ASAP1: variants seen among roughly 807,000 people sequenced by gnomAD.
ASAP1 encodes arf-GAP with SH3 domain, ANK repeat and PH domain-containing protein 1.
In ASAP1, 43 loss-of-function variants were observed where a neutral mutation model predicts 145.2. The observed-to-expected ratio is 0.30, with a 90% CI of 0.23 to 0.38. ASAP1 has a LOEUF of 0.38. ASAP1 is among the 10% of genes least tolerant of loss of function. The probability of loss-of-function intolerance (pLI) is 1.00; values close to 1 mark genes in which losing one functional copy is unlikely to be tolerated. For synonymous variants in ASAP1, 546 were observed against 515.5 expected (o/e 1.06, Z -0.80); for missense variants, 1,018 against 1,355.3 (o/e 0.75, Z 3.91).
chr8:130,385,060 A>G (rs898471568), intron 2 of ASAP1, among the ~76,000 whole-genome samples: 12 of 152,202 alleles, frequency 7.9e-5, no homozygotes, highest in African/African-American at 2.9e-4. Context: ...ACAAGGAGCT[A>G]CAAGAGGGGA....
chr8:130,058,057 C>A lies in ASAP1; in HGVS notation c.3212G>T (p.Arg1071Leu). 6.2e-7 allele frequency: 1 copy of A among 1,613,778 alleles called. No individual in the cohort carries two copies. Among genetic ancestry groups the A allele is most frequent in the Non-Finnish European group, 8.5e-7 (1 of 1,179,660 alleles). Residue 1071 changes from arginine (R) to leucine (L), a missense_variant, in exon 29 of 30, where the codon CGA becomes CTA. Arg to Leu is a moderately radical substitution (Grantham distance 102). This residue lies in a region of ASAP1 where 62 missense variants were observed against 97.8 expected (regional missense o/e 0.63). Transcript: ENST00000518721. ...KINTGKNKVR[R>L]VKTIYDCQAD... ...CTGGCAGTCATAAATGGTCTTCACT[C>A]GCCTCACTTTATTTTTCCCCTTAAA...
intron 3 of ASAP1, among the ~76,000 whole-genome samples, chr8:130,323,030 C>A (rs903603858): frequency 2.6e-5 from 4 of 152,188 alleles, no homozygotes; most frequent in African/African-American, 9.7e-5. Context: ...ATAGGCAATG[C>A]AATGAAATTA....
At chr8:130,116,071 C>T (rs2097555373) in intron 22 of ASAP1, among the ~76,000 whole-genome samples, 1 of 152,208 alleles carries the variant, frequency 6.6e-6, no homozygotes, top group Non-Finnish European at 1.5e-5. Flanking sequence ...GGTCCCAGTC[C>T]AATCTGTGGC....
intron 2 of ASAP1, among the ~76,000 whole-genome samples, chr8:130,395,268 G>A (rs570013031): frequency 5.3e-5 from 8 of 152,200 alleles, no homozygotes; most frequent in South Asian, 2.1e-4. Context: ...TACTGTGGGC[G>A]CTTTCTAATA....
intron 3 of ASAP1, among the ~76,000 whole-genome samples, chr8:130,276,529 C>G (rs1315754713): frequency 6.6e-6 from 1 of 152,130 alleles, no homozygotes; most frequent in African/African-American, 2.4e-5. Context: ...GACAAAAAAG[C>G]TGGCATTTGT....
At chr8:130,224,544 T>C (rs1022878578) in intron 4 of ASAP1, among the ~76,000 whole-genome samples, 2 of 152,142 alleles carry the variant, frequency 1.3e-5, no homozygotes, top group South Asian at 2.1e-4. Flanking sequence ...AAAAAAGATA[T>C]ACACACACAT....
In ASAP1 at chr8:130,167,581, T is replaced by G; in HGVS notation, c.864A>C (p.Ala288=). ...TQDEEKKQLT[A]LRDLIKSSLQ... The stretch of plus-strand genomic sequence containing the variant: ...GAGAGGATTTTATTAAGTCTCGGAG[T>G]GCAGTTAGCTGTTTCTTTTCTTCAT... Residue 288 remains alanine (A), a synonymous_variant, in exon 11 of 30, where the codon GCA becomes GCC. Transcript: ENST00000518721. 6.2e-7 allele frequency: 1 copy of G among 1,613,618 alleles called. No homozygotes were observed. The highest frequency in any genetic ancestry group is 8.5e-7 in the Non-Finnish European group (1 of 1,179,564).
intron 14 of ASAP1, among the ~76,000 whole-genome samples, 192 bp downstream of exon 14, chr8:130,136,759 C>T (rs1248051020): frequency 6.6e-6 from 1 of 152,208 alleles, no homozygotes; most frequent in Non-Finnish European, 1.5e-5. Context: ...ACTGCTATGC[C>T]TTGTCAACTG....
At chr8:130,205,489 G>T (rs796425557) in intron 5 of ASAP1, among the ~76,000 whole-genome samples, 3 of 148,780 alleles carry the variant, frequency 2.0e-5, no homozygotes, top group African/African-American at 7.4e-5. Flanking sequence ...TACCTGTATT[G>T]ACAAACAGAA....
intron 24 of ASAP1, among the ~76,000 whole-genome samples, chr8:130,097,126 CAAAAAAA>C (rs61591724): frequency 3.0e-4 from 16 of 53,578 alleles, no homozygotes; most frequent in South Asian, 9.3e-4. Context: ...AGTTAGTCTC[CAAAAAAA>C]AAAAAAAAAA....
At position 130,401,886 on chromosome 8, in the gene ASAP1, G is replaced by A. The variant is rs1272837459; in HGVS notation, c.58C>T (p.Arg20Trp). 8.1e-6 allele frequency: 13 copies of A among 1,613,354 alleles called. No individual in the cohort carries two copies. Among genetic ancestry groups the A allele is most frequent in the Middle Eastern group, 1.6e-4 (1 of 6,062 alleles). ...CAGGATGGGCTAGAGATCACTCACCGATTCCATAGTGAATCTCTCGACGAA... is the reference window on the plus strand; with the variant it reads ...CAGGATGGGCTAGAGATCACTCACCAATTCCATAGTGAATCTCTCGACGAA... ...SFSSRDSLWN[R>W]MPDQISVSEF... is the part of the protein sequence containing the mutation. Residue 20 changes from arginine to tryptophan, a missense_variant and splice_region_variant, in exon 2 of 30, where the codon CGG (arginine) becomes TGG (tryptophan). By Grantham distance (101) the Arg-to-Trp change is moderately radical. Around this residue, in one of 9 missense-constraint regions of ASAP1, gnomAD observed 106 missense variants for 134.5 expected, o/e 0.79. Transcript: ENST00000518721.
chr8:130,116,207 A>C (rs1039425179), intron 22 of ASAP1, among the ~76,000 whole-genome samples: 1 of 152,238 alleles, frequency 6.6e-6, no homozygotes, highest in Non-Finnish European at 1.5e-5. Flanking sequence ...AATCACACTA[A>C]TGTGAAGGCC....
At chr8:130,078,951 T>C (rs537521946) in intron 26 of ASAP1, among the ~76,000 whole-genome samples, 95 of 152,266 alleles carry the variant, frequency 6.2e-4, no homozygotes, top group Admixed American at 1.5e-3. Flanking sequence ...CCTAGCACTT[T>C]GGGAGGCTGA....
intron 3 of ASAP1, among the ~76,000 whole-genome samples, chr8:130,351,461 A>C (rs751808723): frequency 3.3e-5 from 5 of 152,218 alleles, no homozygotes; most frequent in Non-Finnish European, 7.3e-5. Context: ...TGTGTTAGGC[A>C]GTTCTTGTGT....
intron 3 of ASAP1, among the ~76,000 whole-genome samples, chr8:130,281,153 T>G (rs1352595948): frequency 6.6e-6 from 1 of 152,210 alleles, no homozygotes; most frequent in Non-Finnish European, 1.5e-5. Context: ...TTATTTCATC[T>G]AGATAAACTC....
chr8:130,068,476 T>G (rs2097434882), intron 27 of ASAP1, among the ~76,000 whole-genome samples: 1 of 152,236 alleles, frequency 6.6e-6, no homozygotes, highest in Non-Finnish European at 1.5e-5. Context: ...TAGATCAGTA[T>G]CATCAGCTTC....
At chr8:130,168,622 A>C (rs1000904330) in intron 10 of ASAP1, among the ~76,000 whole-genome samples, 2 of 151,922 alleles carry the variant, frequency 1.3e-5, no homozygotes, top group Non-Finnish European at 2.9e-5. Context: ...ACAAACAAAA[A>C]CCCCAAAAAA....
At chr8:130,243,622 C>A (rs1045383562) in intron 3 of ASAP1, among the ~76,000 whole-genome samples, 3 of 152,166 alleles carry the variant, frequency 2.0e-5, no homozygotes, top group African/African-American at 7.2e-5. Flanking sequence ...GTCTTTCTAA[C>A]CCCAATGAGC....
At chr8:130,193,143 C>T (rs951334278) in intron 5 of ASAP1, among the ~76,000 whole-genome samples, 1 of 152,018 alleles carries the variant, frequency 6.6e-6, no homozygotes, top group Non-Finnish European at 1.5e-5. Context: ...CCGAGGCGGG[C>T]GAATCACTTG....
Sources: gnomAD v4.1 joint callset for allele counts (sites outside exome capture counted in the v4.1 genomes callset) on GRCh38, gnomAD v4.1.1 for gene constraint, gnomAD v4.1.1 regional missense constraint, MANE v1.5 for transcripts, NCBI Gene and HGNC (gene_info 2026-07-23, HGNC 2026-07-21) for gene names.